MTHFD1: variants seen among roughly 807,000 people sequenced by gnomAD.
MTHFD1 encodes C-1-tetrahydrofolate synthase, cytoplasmic.
In MTHFD1, 44 loss-of-function variants were observed where a neutral mutation model predicts 110.3. The observed-to-expected ratio is 0.40, with a 90% CI of 0.31 to 0.51. The LOEUF (loss-of-function observed/expected upper bound fraction) is 0.51, where lower values mean the gene tolerates loss of function less well. MTHFD1 is among the 20% of genes least tolerant of loss of function. MTHFD1 has a pLI of 0.60. For synonymous variants in MTHFD1, 402 were observed against 428.8 expected, an observed-to-expected ratio of 0.94 and a Z score of 0.77; for missense variants, 909 against 1,173.1, an observed-to-expected ratio of 0.77 and a Z score of 3.29.
intron 12 of MTHFD1, among the ~76,000 whole-genome samples, chr14:64,428,826 AT>A (rs1042389526): frequency 6.6e-6 from 1 of 151,946 alleles, no homozygotes; most frequent in African/African-American, 2.4e-5. Flanking sequence ...TGCTGGGATA[AT>A]AGGCATGAGC....
intron 2 of MTHFD1, among the ~76,000 whole-genome samples, chr14:64,403,153 C>T (rs1383347621): frequency 2.0e-5 from 3 of 151,566 alleles, no homozygotes; most frequent in African/African-American, 7.3e-5. Context: ...CTTGCTCTGT[C>T]GCCCAGGCTG....
chr14:64,431,053 G>GTTTTCTTTTTCT (rs1262624768), intron 13 of MTHFD1, among the ~76,000 whole-genome samples: 1 of 148,458 alleles, frequency 6.7e-6, no homozygotes, highest in East Asian at 2.0e-4. Flanking sequence ...AGTCTTTTAT[G>GTTTTCTTTTTCT]TTTTCTTTTT....
intron 19 of MTHFD1, chr14:64,441,758 ACG>A (rs1566571635): frequency 1.8e-6 from 1 of 548,412 alleles, no homozygotes; most frequent in Non-Finnish European, 3.3e-6. Flanking sequence ...AGCCGAGATC[ACG>A]CCACTGCACT....
chr14:64,459,887 A>C lies in MTHFD1; in HGVS notation c.*133A>C. 2 of 1,536,124 alleles carry C rather than the reference A, an allele frequency of 1.3e-6. No individual in the cohort carries two copies. The highest frequency in any genetic ancestry group is 8.7e-7 in the Non-Finnish European group (1 of 1,146,858). On this transcript the variant is annotated 3_prime_UTR_variant, in exon 28 of 28. Transcript: ENST00000652337. ...GCCCAGAAGATCTGAAACTAATAGTAGGAGTTTCCCCAGAAGTCATTTTCA... is the reference window on the plus strand; with the variant it reads ...GCCCAGAAGATCTGAAACTAATAGTCGGAGTTTCCCCAGAAGTCATTTTCA...
rs1204934440 is a variant in MTHFD1, at chr14:64,446,329, A to G, written c.2178+1595A>G. Among the ~76,000 whole-genome samples the G allele has an allele frequency of 2.0e-5, 3 of 152,218 alleles. No individual in the cohort carries two copies. The East Asian group carries it at 5.8e-4, about 29-fold the overall frequency. ...CTTTAGTACATCTTGGACAGGTTCCATGTTAACACAGATGGGTCTCACTTT... is the reference window on the plus strand; with the variant it reads ...CTTTAGTACATCTTGGACAGGTTCCGTGTTAACACAGATGGGTCTCACTTT... On this transcript the variant is annotated intron_variant, in intron 22 of 27. Transcript: ENST00000652337.
At chr14:64,453,099 G>A (rs1285667739) in intron 24 of MTHFD1, among the ~76,000 whole-genome samples, 4 of 151,748 alleles carry the variant, frequency 2.6e-5, no homozygotes, top group South Asian at 2.1e-4. Flanking sequence ...TGTACTTAGC[G>A]AGAGATTTTA....
At position 64,388,362 on chromosome 14, in the gene MTHFD1, G is replaced by A. The variant is rs1170733449; in HGVS notation, c.-66G>A. 1.9e-6 allele frequency: 3 copies of A among 1,614,034 alleles called. No individual in the cohort carries two copies. The highest frequency in any genetic ancestry group is 4.5e-5 in the East Asian group (2 of 44,892). ...GCACGTGGGTTGGGTTGTCCTGCTT[G>A]GCTGCGGAGGGAGTGGAACCTCGAT... On this transcript the variant is annotated 5_prime_UTR_variant, in exon 1 of 28. Coordinates refer to ENST00000652337, the MANE Select transcript of MTHFD1 (RefSeq NM_005956.4).
At chr14:64,444,843 G>A (rs1379530878) in intron 22 of MTHFD1, 109 bp downstream of exon 22, 5 of 1,229,784 alleles carry the variant, frequency 4.1e-6, no homozygotes, top group Non-Finnish European at 6.0e-6. Context: ...GTGACCCAGG[G>A]TGCAGGGTGC....
At chr14:64,425,963 G>A in intron 10 of MTHFD1, 56 bp from the exon 11 acceptor site, 1 of 1,606,256 alleles carries the variant, frequency 6.2e-7, no homozygotes, top group Non-Finnish European at 8.5e-7. Context: ...TTACTACTGT[G>A]GGATTAATTA....
chr14:64,431,387 C>T (rs1301295920), intron 13 of MTHFD1, 145 bp from the exon 14 acceptor site: 5 of 709,242 alleles, frequency 7.0e-6, no homozygotes, highest in Non-Finnish European at 1.3e-5. Flanking sequence ...TTTTCAAGAA[C>T]TCCCTATATT....
At chr14:64,429,873 A>C (rs931058745) in intron 12 of MTHFD1, among the ~76,000 whole-genome samples, 1 of 152,206 alleles carries the variant, frequency 6.6e-6, no homozygotes, top group Non-Finnish European at 1.5e-5. Flanking sequence ...GCTTTATGAG[A>C]GTAGGAAATT....
chr14:64,416,041 G>A (rs753464444), intron 6 of MTHFD1, among the ~76,000 whole-genome samples: 2 of 152,056 alleles, frequency 1.3e-5, no homozygotes, highest in African/African-American at 4.8e-5. Flanking sequence ...TCAGGAATTC[G>A]AGACCAGCCT....
rs541908740 is a variant in MTHFD1, at chr14:64,424,406, G to A, written c.728-398G>A. 5.5e-4 allele frequency among the ~76,000 whole-genome samples: 84 copies of A among 152,326 alleles called. 1 individual carries two copies. Among genetic ancestry groups the A allele is most frequent in the Non-Finnish European group, 1.0e-3 (70 of 68,036 alleles). On this transcript the variant is annotated intron_variant, in intron 8 of 27. Coordinates refer to ENST00000652337, the MANE Select transcript of MTHFD1 (RefSeq NM_005956.4). ...AAATGCTGACAGTTGCTGTAGAAAC[G>A]ATATCTGGCAGCTGTGACAGAGTTG... is the stretch of plus-strand genomic sequence containing the variant.
At chr14:64,392,200 CT>C (rs2077811663) in intron 1 of MTHFD1, among the ~76,000 whole-genome samples, 2 of 152,168 alleles carry the variant, frequency 1.3e-5, no homozygotes, top group Admixed American at 6.5e-5. Context: ...TAACTTACTG[CT>C]TTGGGGGGTC....
Position 64,415,447 on chromosome 14 carries a change from C to T in MTHFD1, c.330C>T (p.Asn110=). The T allele has an allele frequency of 1.2e-6, 2 of 1,614,008 alleles. No homozygotes were observed. The highest frequency in any genetic ancestry group is 1.7e-6 in the Non-Finnish European group (2 of 1,179,886). The part of the protein sequence containing the change: ...QLPLDSENSI[N]TEEVINAIAP... ...CTTTAGATTCAGAGAATTCCATTAACACTGAAGAAGTGATCAATGCTATTG... is the reference window on the plus strand; with the variant it reads ...CTTTAGATTCAGAGAATTCCATTAATACTGAAGAAGTGATCAATGCTATTG... The change falls in exon 5 of 28, where the codon AAC becomes AAT. Residue 110 remains asparagine (N), a synonymous_variant. Transcript: ENST00000652337.
At chr14:64,420,332 G>A (rs2078058465) in intron 8 of MTHFD1, among the ~76,000 whole-genome samples, 1 of 152,118 alleles carries the variant, frequency 6.6e-6, no homozygotes. Flanking sequence ...CAAGAGGAGG[G>A]CTTTACAAAG....
At chr14:64,392,131 G>T (rs897092537) in intron 1 of MTHFD1, among the ~76,000 whole-genome samples, 9 of 152,180 alleles carry the variant, frequency 5.9e-5, no homozygotes, top group Admixed American at 5.2e-4. Context: ...TGTTGTGAGG[G>T]AAATAGCTCC....
At chr14:64,423,148 G>T (rs1397776599) in intron 8 of MTHFD1, among the ~76,000 whole-genome samples, 1 of 152,098 alleles carries the variant, frequency 6.6e-6, no homozygotes, top group East Asian at 1.9e-4. Flanking sequence ...GAAATGTTCT[G>T]CCAGTTTGCT....
At chr14:64,403,519 C>T (rs2077914723) in intron 2 of MTHFD1, among the ~76,000 whole-genome samples, 1 of 152,086 alleles carries the variant, frequency 6.6e-6, no homozygotes, top group African/African-American at 2.4e-5. Flanking sequence ...CCACCTGCCT[C>T]AGCTTCCCAA....
Sources: allele counts gnomAD v4.1 joint callset (sites outside exome capture counted in the v4.1 genomes callset), GRCh38; gene constraint gnomAD v4.1.1; transcripts MANE v1.5; gene names NCBI Gene and HGNC (gene_info 2026-07-23, HGNC 2026-07-21).